The following PPP6R1 variants were observed in gnomAD, a reference collection of about 807,000 sequenced individuals.
PPP6R1 encodes protein phosphatase 6 regulatory subunit 1.
A neutral mutation model predicts 104.6 loss-of-function variants in PPP6R1; 39 were observed. The observed-to-expected ratio is 0.37, with a 90% CI of 0.29 to 0.49. PPP6R1 has a LOEUF of 0.49. PPP6R1 is among the 20% of genes least tolerant of loss of function. The pLI is 0.98. For synonymous variants in PPP6R1, 549 were observed against 479.0 expected, an observed-to-expected ratio of 1.15 and a Z score of -1.91; for missense variants, 1,181 against 1,155.8, an observed-to-expected ratio of 1.02 and a Z score of -0.32.
rs1194709074 is a variant in PPP6R1 at position 55,245,251 on chromosome 19, C to T, written c.552+14G>A. The T allele has an allele frequency of 6.3e-7, 1 of 1,596,788 alleles. No homozygotes were observed. The highest frequency in any genetic ancestry group is 1.3e-5 in the African/African-American group (1 of 74,662). ...GCCCAGCCCCCCACCCCCAGAGGAG[C>T]CGGCCCTGCTCACATTGACAACATC... On this transcript the variant is annotated intron_variant, in intron 4 of 23. Coordinates refer to ENST00000412770, the MANE Select transcript of PPP6R1 (RefSeq NM_014931.4). The surrounding 1 kb of genome is among the most constrained non-coding windows in gnomAD (Gnocchi z 6.4).
In PPP6R1 at chr19:55,230,613, T is replaced by G; in HGVS notation, c.2642A>C (p.Gln881Pro). Residue 881 changes from glutamine to proline, a missense_variant and splice_region_variant, in exon 23 of 24, where the codon CAA (glutamine) becomes CCA (proline). Gln to Pro is a moderately conservative substitution (Grantham distance 76). Coordinates refer to ENST00000412770, the MANE Select transcript of PPP6R1 (RefSeq NM_014931.4). Reference sequence around the variant, plus strand: ...AGCCCGAGGCTGCAGCCACACTCACTGGGAGCCTGGGGATGCAGGCCCTTC... The same window carrying G: ...AGCCCGAGGCTGCAGCCACACTCACGGGGAGCCTGGGGATGCAGGCCCTTC... ...APEGPASPGSQ is the reference protein window; with the variant it reads ...APEGPASPGSP The G allele has an allele frequency of 6.2e-7, 1 of 1,612,300 alleles. No homozygotes were observed. The highest frequency in any genetic ancestry group is 8.5e-7 in the Non-Finnish European group (1 of 1,179,128).
Position 55,231,499 on chromosome 19 carries a change from G to C in PPP6R1, c.2378-8C>G, listed in dbSNP as rs945618709. The stretch of plus-strand genomic sequence containing the variant: ...CCAAGGCCTGGCAAGGGGCTGTGGG[G>C]GATAAGAGATCTCAGCTGCAGCTCC... On this transcript the variant is annotated splice_polypyrimidine_tract_variant and splice_region_variant and intron_variant, in intron 20 of 23. Coordinates refer to ENST00000412770, the MANE Select transcript of PPP6R1 (RefSeq NM_014931.4). 13 of 1,604,192 alleles carry C rather than the reference G, an allele frequency of 8.1e-6. No homozygotes were observed. Among genetic ancestry groups the C allele is most frequent in the Non-Finnish European group, 1.1e-5 (13 of 1,175,176 alleles).
Position 55,238,899 on chromosome 19 carries a change from C to T in PPP6R1, c.1751+506G>A, listed in dbSNP as rs140300206. Reference sequence around the variant, plus strand: ...GACTGATATTAAGATGTGGTTGACCCACAAATCAAAACAAGCAGAATTGGT... The same window carrying T: ...GACTGATATTAAGATGTGGTTGACCTACAAATCAAAACAAGCAGAATTGGT... On this transcript the variant is annotated intron_variant, in intron 15 of 23. Transcript: ENST00000412770. 2.5e-3 allele frequency: 407 copies of T among 165,194 alleles called. 1 individual carries two copies. Among genetic ancestry groups the T allele is most frequent in the Non-Finnish European group, 3.9e-3 (298 of 76,092 alleles). The allele number at this position is 165,194 out of a possible 1,614,324, so 10.2% of individuals were successfully genotyped here. A position where few individuals can be genotyped will look rare whatever the true frequency, so the allele number is the denominator to read the frequency against.
rs1432646611 is a variant in PPP6R1 at position 55,258,935 on chromosome 19, C to T, written c.-507G>A. ...AGGCCTACTTCCTTAACCACCCCTT[C>T]CCCAAAGCCGCTCAATCTCCGGGCT... is the stretch of plus-strand genomic sequence containing the variant. On this transcript the variant is annotated 5_prime_UTR_variant, in exon 1 of 24. Transcript: ENST00000412770. 4 of 152,288 alleles carry T rather than the reference C, an allele frequency of 2.6e-5. No individual in the cohort carries two copies. Among genetic ancestry groups the T allele is most frequent in the Non-Finnish European group, 4.4e-5 (3 of 68,106 alleles). The allele number at this position is 152,288 out of a possible 1,614,324, so 9.4% of individuals were successfully genotyped here. A position where few individuals can be genotyped will look rare whatever the true frequency, so the allele number is the denominator to read the frequency against.
chr19:55,229,680 G>C (rs553892664), downstream of PPP6R1: 2 of 152,408 alleles, frequency 1.3e-5, no homozygotes, highest in Non-Finnish European at 2.9e-5. Context: ...AGGACAGTGT[G>C]GGGGCAGACT....
intron 1 of PPP6R1, among the ~76,000 whole-genome samples, chr19:55,253,411 CT>C (rs1461383816): frequency 6.6e-6 from 1 of 152,248 alleles, no homozygotes; most frequent in Non-Finnish European, 1.5e-5. Context: ...CCCCCTACCC[CT>C]GGTACAGACT....
chr19:55,230,282 TTCTC>T lies in PPP6R1; in HGVS notation c.*242_*245del, dbSNP rs533550015. 1.5e-4 allele frequency: 89 copies of T among 585,618 alleles called. 1 individual carries two copies. Among genetic ancestry groups the T allele is most frequent in the African/African-American group, 7.8e-4 (42 of 53,774 alleles). 36.3% of individuals were successfully genotyped at this position (585,618 alleles called of 1,614,324 possible). A position where few individuals can be genotyped will look rare whatever the true frequency, so the allele number is the denominator to read the frequency against. On this transcript the variant is annotated 3_prime_UTR_variant, in exon 24 of 24. Coordinates refer to ENST00000412770, the MANE Select transcript of PPP6R1 (RefSeq NM_014931.4). ...TATAATATATGTTTCTCTCTCTCCA[TTCTC>T]TCTATTTGACTCTCTGTATCTTTAT... is the stretch of plus-strand genomic sequence containing the variant.
chr19:55,251,853 A>G (rs532114213), intron 1 of PPP6R1, among the ~76,000 whole-genome samples: 22 of 152,136 alleles, frequency 1.4e-4, no homozygotes, highest in African/African-American at 5.3e-4. Flanking sequence ...GAATAATCTC[A>G]AGGGGCAACC....
chr19:55,236,585 C>T, intron 17 of PPP6R1, 58 bp downstream of exon 17: 1 of 1,449,052 alleles, frequency 6.9e-7, no homozygotes, highest in South Asian at 1.4e-5. Flanking sequence ...GTTGGGGGGA[C>T]CCCTTGGCCC....
intron 19 of PPP6R1, 29 bp from the exon 20 acceptor site, chr19:55,231,697 G>A: frequency 1.3e-6 from 2 of 1,569,484 alleles, no homozygotes; most frequent in Non-Finnish European, 1.7e-6. Context: ...AGCCCAAGGG[G>A]GCAGCTAGGG....
At chr19:55,228,465 G>T (rs199755006), downstream of PPP6R1, 1 of 1,606,368 alleles carries the variant, frequency 6.2e-7, no homozygotes, top group South Asian at 1.1e-5. Flanking sequence ...CTACTGAGCC[G>T]AAACCCAGCC....
intron 1 of PPP6R1, among the ~76,000 whole-genome samples, chr19:55,257,005 GGTCT>G (rs2122759018): frequency 6.6e-6 from 1 of 151,416 alleles, no homozygotes; most frequent in Non-Finnish European, 1.5e-5. Context: ...ACTCGGCCTA[GGTCT>G]GTCTGGCAAA....
chr19:55,252,763 C>T (rs758371904), intron 1 of PPP6R1, among the ~76,000 whole-genome samples: 3 of 152,142 alleles, frequency 2.0e-5, no homozygotes, highest in Non-Finnish European at 4.4e-5. Flanking sequence ...GTCTTGAATG[C>T]CTGACCTCAA....
chr19:55,240,057 G>A lies in PPP6R1; in HGVS notation c.1419C>T (p.Ala473=), dbSNP rs1190309578. The change falls in exon 12 of 24, where the codon GCC becomes GCT. Residue 473 remains alanine, a synonymous_variant. Coordinates refer to ENST00000412770, the MANE Select transcript of PPP6R1 (RefSeq NM_014931.4). ...YMGHLTRVAG[A]LVQNTEKGPN... The stretch of plus-strand genomic sequence containing the variant: ...GCCCCTTCTCCGTGTTCTGCACCAG[G>A]GCACCGGCCACTCTTGTCAGGTGAC... 7 of 1,602,696 alleles carry A rather than the reference G, an allele frequency of 4.4e-6. No homozygotes were observed. In the Admixed American group the frequency reaches 1.2e-4, roughly 27 times the overall value.
chr19:55,254,446 G>A (rs1465464562), intron 1 of PPP6R1, among the ~76,000 whole-genome samples: 2 of 152,124 alleles, frequency 1.3e-5, no homozygotes, highest in African/African-American at 2.4e-5. Flanking sequence ...GGGCCTGCCA[G>A]CCCCTTCCTT....
rs773784867 is a variant in PPP6R1, at chr19:55,241,519, C to T, written c.966G>A (p.Pro322=). 2.3e-5 allele frequency: 37 copies of T among 1,588,072 alleles called. No individual in the cohort carries two copies. The highest frequency in any genetic ancestry group is 3.3e-4 in the Middle Eastern group (2 of 6,006). ...GGAGCTGGTGGAAGCAGCTGAGCCG[C>T]GGGCGTAGGGCGTGCAAGGCGCCCA... The part of the protein sequence containing the change: ...SSVGALHALR[P]RLSCFHQLLL... The change falls in exon 8 of 24, where the codon CCG becomes CCA. Residue 322 remains proline (P), a synonymous_variant. Coordinates refer to ENST00000412770, the MANE Select transcript of PPP6R1 (RefSeq NM_014931.4). This position sits in a 1 kb window ranked among gnomAD's most constrained non-coding sequence, Gnocchi z 5.4.
chr19:55,241,807 G>C lies in PPP6R1; in HGVS notation c.846-168C>G, dbSNP rs376408885. Among the ~76,000 whole-genome samples, 15 of 152,324 alleles carry C rather than the reference G, an allele frequency of 9.8e-5. 1 individual carries two copies. The highest frequency in any genetic ancestry group is 3.1e-4 in the African/African-American group (13 of 41,576). On this transcript the variant is annotated intron_variant, in intron 7 of 23. Transcript: ENST00000412770. This position sits in a 1 kb window ranked among gnomAD's most constrained non-coding sequence, Gnocchi z 5.4. ...TCAGACAACACCTGGCTGGGGTGGGGAGCCCGCCAGGCGGCAGCATTGGCA... is the reference window on the plus strand; with the variant it reads ...TCAGACAACACCTGGCTGGGGTGGGCAGCCCGCCAGGCGGCAGCATTGGCA...
In PPP6R1 at chr19:55,240,064, G is replaced by T; in HGVS notation, c.1412C>A (p.Ala471Asp). Residue 471 changes from alanine to aspartate, a missense_variant, in exon 12 of 24, where the codon GCC becomes GAC. Physicochemically the swap from Ala to Asp is moderately radical, Grantham distance 126. Around this residue, in one of 2 missense-constraint regions of PPP6R1, gnomAD observed 1,042 missense variants for 955.6 expected, o/e 1.09. Coordinates refer to ENST00000412770, the MANE Select transcript of PPP6R1 (RefSeq NM_014931.4). ...CTCCGTGTTCTGCACCAGGGCACCG[G>T]CCACTCTTGTCAGGTGACCCATGTA... ...KGYMGHLTRVAGALVQNTEKG... is the reference protein window; with the variant it reads ...KGYMGHLTRVDGALVQNTEKG... 1 of 1,602,332 alleles carries T rather than the reference G, an allele frequency of 6.2e-7. No individual in the cohort carries two copies. The highest frequency in any genetic ancestry group is 2.3e-5 in the East Asian group (1 of 44,324).
At chr19:55,247,153 G>A (rs756150515) in intron 1 of PPP6R1, 44 bp from the exon 2 acceptor site, 2 of 1,583,402 alleles carry the variant, frequency 1.3e-6, no homozygotes, top group East Asian at 2.2e-5. Context: ...ACGCCCCAGG[G>A]AGTCCCCACT....
Sources: allele counts gnomAD v4.1 joint callset (sites outside exome capture counted in the v4.1 genomes callset), GRCh38; gene constraint gnomAD v4.1.1; regional missense constraint gnomAD v4.1.1; non-coding constraint Gnocchi (gnomAD v3.1); transcripts MANE v1.5; gene names NCBI Gene and HGNC (gene_info 2026-07-23, HGNC 2026-07-21).